The following MVP variants were observed in gnomAD, a reference collection of about 807,000 sequenced individuals.
MVP encodes major vault protein, also known as lung resistance-related protein.
MVP carries 62 observed loss-of-function variants against 83.5 expected under a neutral mutation model. The observed-to-expected ratio is 0.74, with a 90% CI of 0.61 to 0.92. The LOEUF is 0.92. Ranked by LOEUF, MVP falls within the 40% of genes least tolerant of loss-of-function variation. MVP has a pLI of 0.00. For missense variants in MVP, 1,000 were observed against 1,203.4 expected, an observed-to-expected ratio of 0.83 and a Z score of 2.50; for synonymous variants, 505 against 504.1, an observed-to-expected ratio of 1.00 and a Z score of -0.02.
At chr16:29,829,223 G>T (rs1175432040) in intron 1 of MVP, among the ~76,000 whole-genome samples, 1 of 151,412 alleles carries the variant, frequency 6.6e-6, no homozygotes, top group African/African-American at 2.4e-5. Flanking sequence ...GTGATGGCTC[G>T]CCTATAATCC....
chr16:29,846,296 G>GA lies in MVP; in HGVS notation c.2265+13dup. 1 of 1,551,102 alleles carries GA rather than the reference G, an allele frequency of 6.4e-7. No homozygotes were observed. The highest frequency in any genetic ancestry group is 8.7e-7 in the Non-Finnish European group (1 of 1,146,250). On this transcript the variant is annotated intron_variant, in intron 13 of 14. Transcript: ENST00000357402. ...TGGCCATTGAAACGGTGAGTGGGGG[G>GA]AGGCATTAAGAAGAGGGTGGCCTTG... is the stretch of plus-strand genomic sequence containing the variant.
At position 29,847,374 on chromosome 16, in the gene MVP, C is replaced by A; in HGVS notation, c.2443C>A (p.Pro815Thr). 1 of 1,550,946 alleles carries A rather than the reference C, an allele frequency of 6.4e-7. No individual in the cohort carries two copies. Among genetic ancestry groups the A allele is most frequent in the Non-Finnish European group, 8.7e-7 (1 of 1,152,810 alleles). ...STIRDLAVAG[P>T]EMQVKLLQSL... ...CATCAGGGACCTTGCTGTGGCTGGG[C>A]CTGAGATGCAGGTGAGAGTTGGGGA... The change falls in exon 14 of 15, where the codon CCT (proline) becomes ACT (threonine). Residue 815 changes from proline (P) to threonine (T), a missense_variant. By Grantham distance (38) the Pro-to-Thr change is conservative. Transcript: ENST00000357402.
chr16:29,840,104 AGGACTGGGGAGGTACCATT>A (rs1276961358), intron 7 of MVP, 55 bp from the exon 8 acceptor site: 1 of 1,467,644 alleles, frequency 6.8e-7, no homozygotes, highest in Non-Finnish European at 9.2e-7. Context: ...GAAACAGCAC[AGGACTGGGGAGGTACCATT>A]GGAAGCACCC....
Position 29,830,682 on chromosome 16 carries a change from TGGG to T in MVP, c.125+11_125+13del. ...CCGGCAGGACAATGAGAGGTGGGTG[TGGG>T]GGCTGGGCTGTGGGGGATCCTTGGG... On this transcript the variant is annotated intron_variant, in intron 2 of 14. Transcript: ENST00000357402. 6.2e-7 allele frequency: 1 copy of T among 1,612,516 alleles called. No individual in the cohort carries two copies. The highest frequency in any genetic ancestry group is 8.5e-7 in the Non-Finnish European group (1 of 1,179,504).
chr16:29,844,352 A>G (rs1207312209), intron 10 of MVP, 141 bp from the exon 11 acceptor site: 2 of 1,097,184 alleles, frequency 1.8e-6, no homozygotes, highest in Non-Finnish European at 2.5e-6. Context: ...TAGTCCCAGC[A>G]CTTTGGGAGG....
chr16:29,828,806 A>G (rs1241480692), intron 1 of MVP, among the ~76,000 whole-genome samples: 1 of 152,168 alleles, frequency 6.6e-6, no homozygotes, highest in Admixed American at 6.5e-5. Context: ...CTGCTGCTTG[A>G]CTGTAGGCTG....
intron 1 of MVP, chr16:29,820,940 A>T (rs2067353827): frequency 6.6e-6 from 1 of 152,386 alleles, no homozygotes; most frequent in Non-Finnish European, 1.5e-5. Context: ...TGTGACCTGT[A>T]CCCATTCAGG....
intron 3 of MVP, 40 bp downstream of exon 3, chr16:29,831,113 T>G: frequency 1.3e-6 from 2 of 1,576,502 alleles, no homozygotes; most frequent in Non-Finnish European, 1.7e-6. Flanking sequence ...ACCCTACCTG[T>G]CCTCCACCTG....
At position 29,840,368 on chromosome 16, in the gene MVP, C is replaced by T. The variant is rs1346800963; in HGVS notation, c.1100C>T (p.Pro367Leu). The T allele has an allele frequency of 2.5e-6, 4 of 1,604,000 alleles. No homozygotes were observed. The South Asian group carries it at 4.5e-5, about 18-fold the overall frequency. ...WLIRGPLEYV[P>L]SAKVEVVEER... ...ATCCGCGGACCCCTGGAGTATGTGC[C>T]ATCTGCCAAAGTGGAGGTGGTGGAG... Residue 367 changes from proline (P) to leucine (L), a missense_variant, in exon 8 of 15, where the codon CCA becomes CTA. Physicochemically the swap from Pro to Leu is moderately conservative, Grantham distance 98 (BLOSUM62 -3). Coordinates refer to ENST00000357402, the MANE Select transcript of MVP (RefSeq NM_005115.5).
chr16:29,842,237 C>G (rs762363045), intron 10 of MVP, 125 bp downstream of exon 10: 5 of 937,722 alleles, frequency 5.3e-6, no homozygotes, highest in Non-Finnish European at 7.9e-6. Flanking sequence ...CCCCACTATA[C>G]TCCAGCCTGG....
intron 5 of MVP, chr16:29,835,480 CA>C (rs59649743): frequency 0.18 from 13,017 of 72,558 alleles, 97 homozygotes; most frequent in African/African-American, 0.32. Context: ...GACTCCGTCT[CA>C]AAAAAAAAAA....
Position 29,846,291 on chromosome 16 carries a change from G to T in MVP, c.2265+7G>T, listed in dbSNP as rs190703840. 33 of 1,554,110 alleles carry T rather than the reference G, an allele frequency of 2.1e-5. No individual in the cohort carries two copies. The highest frequency in any genetic ancestry group is 1.2e-4 in the South Asian group (10 of 84,292). On this transcript the variant is annotated splice_region_variant and intron_variant, in intron 13 of 14. Coordinates refer to ENST00000357402, the MANE Select transcript of MVP (RefSeq NM_005115.5). ...GGCCTTGGCCATTGAAACGGTGAGT[G>T]GGGGGAGGCATTAAGAAGAGGGTGG...
Position 29,841,491 on chromosome 16 carries a change from C to T in MVP, c.1192-105C>T, listed in dbSNP as rs2067534021. 1.4e-6 allele frequency: 2 copies of T among 1,419,664 alleles called. No individual in the cohort carries two copies. Among genetic ancestry groups the T allele is most frequent in the East Asian group, 2.4e-5 (1 of 42,300 alleles). The allele number at this position is 1,419,664 out of a possible 1,614,324, so 87.9% of individuals were successfully genotyped here. ...GCCTCCCCGTAGAGAAGGTGTTTAA[C>T]CTCGTGGCGCGCCTTCCCTGGATGG... On this transcript the variant is annotated intron_variant, in intron 8 of 14. Coordinates refer to ENST00000357402, the MANE Select transcript of MVP (RefSeq NM_005115.5). The surrounding 1 kb of genome is among the most constrained non-coding windows in gnomAD (Gnocchi z 4.7).
At position 29,821,841 on chromosome 16, in the gene MVP, A is replaced by G. The variant is rs561225818; in HGVS notation, c.-36+1331A>G. ...AGCTGTTACTTAGGGGCGTTTGCCT[A>G]GAACACAGGGTCCAGAGGCTCTCTC... is the stretch of plus-strand genomic sequence containing the variant. On this transcript the variant is annotated intron_variant, in intron 1 of 14. Coordinates refer to ENST00000357402, the MANE Select transcript of MVP (RefSeq NM_005115.5). Among the ~76,000 whole-genome samples, 13 of 152,342 alleles carry G rather than the reference A, an allele frequency of 8.5e-5. No homozygotes were observed. In the South Asian group the frequency reaches 2.7e-3, roughly 32 times the overall value.
chr16:29,829,482 T>C (rs1287705065), intron 1 of MVP: 1 of 143,906 alleles, frequency 6.9e-6, no homozygotes, highest in Non-Finnish European at 1.5e-5. Context: ...AAAAAAAGTC[T>C]GACCTGAGTC....
rs1286935958 is a variant in MVP, at chr16:29,831,016, C to T, written c.264C>T (p.Leu88=). The change falls in exon 3 of 15, where the codon CTC becomes CTT. Residue 88 remains leucine, a synonymous_variant. Transcript: ENST00000357402. ...TGQVRLRHAD[L]EIRLAQDPFP... ...AAGTTCGGCTTCGCCACGCTGACCT[C>T]GAGATCCGGCTGGCCCAGGACCCCT... is the stretch of plus-strand genomic sequence containing the variant. The T allele has an allele frequency of 1.6e-5, 26 of 1,613,778 alleles. No homozygotes were observed. Among genetic ancestry groups the T allele is most frequent in the Admixed American group, 3.3e-5 (2 of 59,990 alleles).
At chr16:29,828,586 G>A (rs2067419642) in intron 1 of MVP, among the ~76,000 whole-genome samples, 1 of 152,086 alleles carries the variant, frequency 6.6e-6, no homozygotes. Flanking sequence ...CGCCATGTTG[G>A]CCAGGCTGGT....
chr16:29,843,574 G>T (rs12051462), intron 10 of MVP, among the ~76,000 whole-genome samples: 1 of 57,862 alleles, frequency 1.7e-5, no homozygotes, highest in Non-Finnish European at 3.4e-5. Flanking sequence ...GGGAGGGAGG[G>T]AGGGAGGAAG....
At chr16:29,830,732 G>A in intron 2 of MVP, 58 bp downstream of exon 2, 1 of 1,601,016 alleles carries the variant, frequency 6.2e-7, no homozygotes, top group Non-Finnish European at 8.5e-7. Flanking sequence ...CTGTTTGGCT[G>A]GCATGATGGT....
Sources: allele counts gnomAD v4.1 joint callset (sites outside exome capture counted in the v4.1 genomes callset), GRCh38; gene constraint gnomAD v4.1.1; non-coding constraint Gnocchi (gnomAD v3.1); transcripts MANE v1.5; gene names NCBI Gene and HGNC (gene_info 2026-07-23, HGNC 2026-07-21).